The following DAB2IP variants were observed in gnomAD, a reference collection of about 807,000 sequenced individuals.
The protein encoded by DAB2IP is DAB2 interacting protein.
A neutral mutation model predicts 107.2 loss-of-function variants in DAB2IP; 28 were observed. The observed-to-expected ratio is 0.26, with a 90% CI of 0.19 to 0.36. DAB2IP has a LOEUF of 0.36. DAB2IP is among the 10% of genes least tolerant of loss of function. DAB2IP has a pLI of 1.00. For synonymous variants in DAB2IP, 755 were observed against 706.4 expected (o/e 1.07, Z -1.09); for missense variants, 1,400 against 1,644.7 (o/e 0.85, Z 2.57).
chr9:121,765,555 T>C (rs1035164120), intron 8 of DAB2IP, among the ~76,000 whole-genome samples: 2 of 152,214 alleles, frequency 1.3e-5, no homozygotes, highest in African/African-American at 4.8e-5. Context: ...ACGATGGCTC[T>C]GTGAGCTTGG....
At position 121,701,661 on chromosome 9, in the gene DAB2IP, C is replaced by T. The variant is rs189873808; in HGVS notation, c.362+2203C>T. On this transcript the variant is annotated intron_variant, in intron 3 of 15. Coordinates refer to ENST00000408936, the Ensembl canonical transcript of DAB2IP. This position sits in a 1 kb window ranked among gnomAD's most constrained non-coding sequence, Gnocchi z 4.7. ...TTGCTGCTTTGCTTAGGAACAGATT[C>T]GTCGGCTGCTGCTGGGATGGATGGG... is the stretch of plus-strand genomic sequence containing the variant. 1.3e-5 allele frequency among the ~76,000 whole-genome samples: 2 copies of T among 152,216 alleles called. No individual in the cohort carries two copies. The highest frequency in any genetic ancestry group is 2.1e-4 in the South Asian group (1 of 4,812).
intron 1 of DAB2IP, among the ~76,000 whole-genome samples, chr9:121,668,224 T>G (rs1833528925): frequency 6.6e-6 from 1 of 151,112 alleles, no homozygotes; most frequent in Non-Finnish European, 1.5e-5. Flanking sequence ...GATGGAGTCT[T>G]GCTTTGTCGC....
chr9:121,586,090 C>T (rs975395251), intron 1 of DAB2IP, among the ~76,000 whole-genome samples: 1 of 152,306 alleles, frequency 6.6e-6, no homozygotes, highest in South Asian at 2.1e-4. Context: ...GAAGTAACTT[C>T]AGCCTCCTTG....
intron 3 of DAB2IP, among the ~76,000 whole-genome samples, chr9:121,705,536 T>C (rs1830016788): frequency 6.6e-6 from 1 of 152,254 alleles, no homozygotes; most frequent in Non-Finnish European, 1.5e-5. Flanking sequence ...GCCAGTTGTT[T>C]GTACATGTCT....
At chr9:121,637,768 G>A (rs924685421) in intron 1 of DAB2IP, among the ~76,000 whole-genome samples, 1 of 152,198 alleles carries the variant, frequency 6.6e-6, no homozygotes, top group East Asian at 1.9e-4. Flanking sequence ...GAGGCCGAGC[G>A]CTGCATGTGA....
chr9:121,763,275 C>T (rs749763556), intron 6 of DAB2IP, among the ~76,000 whole-genome samples: 9 of 152,130 alleles, frequency 5.9e-5, no homozygotes, highest in East Asian at 3.9e-4. Flanking sequence ...TCCATAGACC[C>T]GGCTCTACTG....
chr9:121,605,274 G>A (rs1031231516), intron 1 of DAB2IP, among the ~76,000 whole-genome samples: 8 of 152,094 alleles, frequency 5.3e-5, no homozygotes, highest in South Asian at 2.1e-4. Context: ...ACCCGCCTCA[G>A]GCTCCCAAAG....
chr9:121,684,127 T>C lies in DAB2IP; in HGVS notation c.228+5346T>C, dbSNP rs1828736773. 6.6e-6 allele frequency among the ~76,000 whole-genome samples: 1 copy of C among 152,102 alleles called. No homozygotes were observed. The highest frequency in any genetic ancestry group is 1.5e-5 in the Non-Finnish European group (1 of 68,020). On this transcript the variant is annotated intron_variant, in intron 2 of 15. Coordinates refer to ENST00000408936, the Ensembl canonical transcript of DAB2IP. The surrounding 1 kb of genome is among the most constrained non-coding windows in gnomAD (Gnocchi z 4.0). ...CTGCACCCTCCCCATGTTTCAGCTG[T>C]CTTTCTGTCACACAAACTCAAGAAA...
chr9:121,766,338 C>T (rs1322643311), intron 8 of DAB2IP, among the ~76,000 whole-genome samples, 156 bp from the exon 9 acceptor site: 1 of 152,236 alleles, frequency 6.6e-6, no homozygotes, highest in Non-Finnish European at 1.5e-5. Context: ...TGACTGCTCT[C>T]CCCAGATGGC....
intron 9 of DAB2IP, among the ~76,000 whole-genome samples, chr9:121,767,190 T>C (rs1016596725): frequency 5.3e-5 from 8 of 152,202 alleles, no homozygotes; most frequent in African/African-American, 1.9e-4. Context: ...GATAAAGCAC[T>C]ATTGGTGTTT....
Position 121,701,880 on chromosome 9 carries a change from G to C in DAB2IP, c.362+2422G>C, listed in dbSNP as rs12005868. On this transcript the variant is annotated intron_variant, in intron 3 of 15. Coordinates refer to ENST00000408936, the Ensembl canonical transcript of DAB2IP. The surrounding 1 kb of genome is among the most constrained non-coding windows in gnomAD (Gnocchi z 4.7). ...GGCAGGATGGGCTGTCTTTGGCTTG[G>C]TTTAGCAGCAAGGAAGGGTTGTGTC... is the stretch of plus-strand genomic sequence containing the variant. Among the ~76,000 whole-genome samples the C allele has an allele frequency of 3.9e-3, 601 of 152,282 alleles. 5 individuals carry two copies. Among genetic ancestry groups the C allele is most frequent in the African/African-American group, 0.014 (563 of 41,556 alleles).
chr9:121,662,261 T>G lies in DAB2IP; in HGVS notation c.124+10362T>G, dbSNP rs1833242799. Among the ~76,000 whole-genome samples, 3 of 152,218 alleles carry G rather than the reference T, an allele frequency of 2.0e-5. No individual in the cohort carries two copies. The highest frequency in any genetic ancestry group is 2.0e-4 in the Admixed American group (3 of 15,282). On this transcript the variant is annotated intron_variant, in intron 1 of 15. Coordinates refer to ENST00000408936, the Ensembl canonical transcript of DAB2IP. This position sits in a 1 kb window ranked among gnomAD's most constrained non-coding sequence, Gnocchi z 4.6. ...ATTGCCATACCTGCCTCTCTTCTCTTTTCTTTCTATCTTTCTTAGAAATAG... is the reference window on the plus strand; with the variant it reads ...ATTGCCATACCTGCCTCTCTTCTCTGTTCTTTCTATCTTTCTTAGAAATAG...
At chr9:121,680,758 T>C (rs1228071757) in intron 2 of DAB2IP, among the ~76,000 whole-genome samples, 1 of 129,774 alleles carries the variant, frequency 7.7e-6, no homozygotes, top group Admixed American at 7.8e-5. Context: ...TTTTTTTTTT[T>C]TTGAGACAGA....
intron 8 of DAB2IP, among the ~76,000 whole-genome samples, chr9:121,765,377 CTG>C (rs1481738901): frequency 1.3e-5 from 2 of 152,250 alleles, no homozygotes; most frequent in East Asian, 3.8e-4. Context: ...GTGCCAGGCA[CTG>C]TGAGAGCCAC....
At chr9:121,604,484 C>T (rs140918323) in intron 1 of DAB2IP, among the ~76,000 whole-genome samples, 353 of 152,330 alleles carry the variant, frequency 2.3e-3, no homozygotes, top group African/African-American at 8.1e-3. Flanking sequence ...CTGGCAAACA[C>T]GGCCCCATGT....
In DAB2IP at chr9:121,776,344, G is replaced by T. The variant is rs1227662447; in HGVS notation, c.3267G>T (p.Arg1089=). ...TGGAGGAGGGCGAGGAGCGGCTGCG[G>T]CGGCAGCAGGAGGACAAGGACATCC... The change falls in exon 14 of 16, where the codon CGG becomes CGT. Residue 1089 remains arginine, a synonymous_variant. Transcript: ENST00000408936. This position sits in a 1 kb window ranked among gnomAD's most constrained non-coding sequence, Gnocchi z 5.4. The T allele has an allele frequency of 9.0e-6, 14 of 1,553,684 alleles. No homozygotes were observed. Among genetic ancestry groups the T allele is most frequent in the Non-Finnish European group, 1.2e-5 (14 of 1,148,530 alleles).
rs1332280521 is a variant in DAB2IP at position 121,699,447 on chromosome 9, G to A, written c.351G>A (p.Ala117=). The stretch of plus-strand genomic sequence containing the variant: ...TCCGGAGCGCCGCCGCCGCCGCCGC[G>A]GACAATGAGAGGTGAGCCCGCCGCC... The change falls in exon 3 of 16, where the codon GCG becomes GCA. Residue 117 remains alanine, a synonymous_variant. Coordinates refer to ENST00000408936, the Ensembl canonical transcript of DAB2IP. The surrounding 1 kb of genome is among the most constrained non-coding windows in gnomAD (Gnocchi z 6.2). The A allele has an allele frequency of 4.9e-6, 7 of 1,429,070 alleles. No homozygotes were observed. The highest frequency in any genetic ancestry group is 1.4e-5 in the South Asian group (1 of 71,714). 88.5% of individuals were successfully genotyped at this position (1,429,070 alleles called of 1,614,324 possible). A position where few individuals can be genotyped will look rare whatever the true frequency, so the allele number is the denominator to read the frequency against.
At chr9:121,723,487 C>G (rs1319050286) in intron 3 of DAB2IP, among the ~76,000 whole-genome samples, 1 of 152,216 alleles carries the variant, frequency 6.6e-6, no homozygotes, top group East Asian at 1.9e-4. Context: ...GAACAAGGGA[C>G]AGCCAGGAAC....
chr9:121,737,650 A>T, intron 3 of DAB2IP: 1 of 985,448 alleles, frequency 1.0e-6, no homozygotes, highest in South Asian at 4.7e-5. Context: ...ATCTGGCTCC[A>T]GAGCCTCGGG....
Sources: allele counts gnomAD v4.1 joint callset (sites outside exome capture counted in the v4.1 genomes callset), GRCh38; gene constraint gnomAD v4.1.1; non-coding constraint Gnocchi (gnomAD v3.1); transcripts MANE v1.5; gene names NCBI Gene and HGNC (gene_info 2026-07-23, HGNC 2026-07-21).